The following EHBP1 variants were observed in gnomAD, a reference collection of about 807,000 sequenced individuals.
EHBP1 encodes the protein EH domain binding protein 1, also known as EH domain-binding protein 1.
Under a neutral mutation model 144.0 loss-of-function variants are expected in EHBP1, and 55 were observed. The ratio of observed to expected loss-of-function variants is 0.38; its 90% CI spans 0.31 to 0.48. The LOEUF (loss-of-function observed/expected upper bound fraction) is 0.48. EHBP1 is among the 20% of genes least tolerant of loss of function. The pLI is 0.98. For missense variants in EHBP1, 1,200 were observed against 1,364.2 expected (o/e 0.88, Z 1.90); for synonymous variants, 469 against 472.7 (o/e 0.99, Z 0.10).
intron 8 of EHBP1, among the ~76,000 whole-genome samples, chr2:62,861,465 C>T (rs745797241): frequency 4.0e-5 from 6 of 149,048 alleles, no homozygotes; most frequent in South Asian, 2.2e-4. Flanking sequence ...AAATGTCGGC[C>T]GGGCGCGGTG....
intron 19 of EHBP1, among the ~76,000 whole-genome samples, chr2:63,010,551 C>G (rs572811137): frequency 8.6e-5 from 13 of 151,454 alleles, no homozygotes; most frequent in African/African-American, 3.1e-4. Flanking sequence ...TGGAGTAAAC[C>G]TTTTGTAATT....
At chr2:63,002,150 T>G (rs1400831680) in intron 19 of EHBP1, among the ~76,000 whole-genome samples, 1 of 152,180 alleles carries the variant, frequency 6.6e-6, no homozygotes. Flanking sequence ...TACTAATCTT[T>G]AGAAGGTTCT....
chr2:62,901,871 A>T (rs1323667403), intron 10 of EHBP1, among the ~76,000 whole-genome samples: 1 of 151,860 alleles, frequency 6.6e-6, no homozygotes, highest in Non-Finnish European at 1.5e-5. Context: ...AGGCTGAGGT[A>T]GGAAGATTTC....
At chr2:62,932,429 A>T (rs1558936081) in intron 10 of EHBP1, among the ~76,000 whole-genome samples, 1 of 152,204 alleles carries the variant, frequency 6.6e-6, no homozygotes, top group Non-Finnish European at 1.5e-5. Context: ...TATGACATGG[A>T]TTAATCTTGA....
chr2:62,797,826 CCTT>C (rs1209782415), intron 5 of EHBP1, among the ~76,000 whole-genome samples: 1 of 152,182 alleles, frequency 6.6e-6, no homozygotes, highest in Non-Finnish European at 1.5e-5. Flanking sequence ...GTCTAAGTTT[CCTT>C]CTTCATCTGT....
chr2:62,861,118 G>C (rs747362185), intron 8 of EHBP1, among the ~76,000 whole-genome samples: 1 of 143,596 alleles, frequency 7.0e-6, no homozygotes, highest in Non-Finnish European at 1.5e-5. Context: ...TTATGTGCTT[G>C]AGTGGCTTTT....
intron 14 of EHBP1, among the ~76,000 whole-genome samples, chr2:62,965,856 C>T (rs1358055010): frequency 6.6e-6 from 1 of 152,100 alleles, no homozygotes; most frequent in Non-Finnish European, 1.5e-5. Context: ...AATTGATATT[C>T]TGATTTTTTG....
rs150973298 is a variant in EHBP1 at position 62,874,452 on chromosome 2, C to T, written c.1105C>T (p.Pro369Ser). ...GCGAGTGAAAAGAAAGGCCCCGGCT[C>T]CACCAGTCCTCTCACCAAAAACAGG... ...ERRVKRKAPA[P>S]PVLSPKTGVL... The change falls in exon 10 of 23, where the codon CCA (proline) becomes TCA (serine). Residue 369 changes from proline (P) to serine (S), a missense_variant. Pro to Ser is a moderately conservative substitution (Grantham distance 74). Around this residue, in one of 6 missense-constraint regions of EHBP1, gnomAD observed 266 missense variants for 262.4 expected, o/e 1.01. Transcript: ENST00000431489. The T allele has an allele frequency of 1.2e-6, 2 of 1,613,440 alleles. No individual in the cohort carries two copies. The highest frequency in any genetic ancestry group is 1.7e-6 in the Non-Finnish European group (2 of 1,179,692).
At chr2:62,941,327 G>A (rs2056745735) in intron 10 of EHBP1, among the ~76,000 whole-genome samples, 1 of 152,048 alleles carries the variant, frequency 6.6e-6, no homozygotes, top group African/African-American at 2.4e-5. Context: ...AGTAAATGTA[G>A]TATATTGGGA....
At chr2:62,923,559 C>G (rs1305561460) in intron 10 of EHBP1, among the ~76,000 whole-genome samples, 1 of 152,170 alleles carries the variant, frequency 6.6e-6, no homozygotes, top group East Asian at 1.9e-4. Flanking sequence ...CCAGGTCATC[C>G]AAGCAGCTTT....
chr2:62,877,293 A>T (rs1424654216), intron 10 of EHBP1, among the ~76,000 whole-genome samples: 1 of 152,232 alleles, frequency 6.6e-6, no homozygotes, highest in Non-Finnish European at 1.5e-5. Flanking sequence ...GTTCAATTCA[A>T]TAAGAAGGCT....
At chr2:62,796,198 T>C (rs2152471277) in intron 5 of EHBP1, among the ~76,000 whole-genome samples, 1 of 152,214 alleles carries the variant, frequency 6.6e-6, no homozygotes, top group Non-Finnish European at 1.5e-5. Flanking sequence ...TAGAGATTCC[T>C]GTACTGACTT....
chr2:62,976,233 G>A (rs567411266), intron 14 of EHBP1, among the ~76,000 whole-genome samples: 1 of 151,950 alleles, frequency 6.6e-6, no homozygotes, highest in African/African-American at 2.4e-5. Flanking sequence ...GTTCTCTACT[G>A]GGAGCTTCAA....
At chr2:63,009,973 C>T (rs1263678301) in intron 19 of EHBP1, among the ~76,000 whole-genome samples, 2 of 151,384 alleles carry the variant, frequency 1.3e-5, no homozygotes, top group Non-Finnish European at 3.0e-5. Context: ...TGTAATCTCT[C>T]CCCTCTATGT....
chr2:62,980,183 C>T (rs575345450), intron 15 of EHBP1, among the ~76,000 whole-genome samples: 28 of 152,126 alleles, frequency 1.8e-4, no homozygotes, highest in Non-Finnish European at 3.4e-4. Context: ...AGTTTTTCCA[C>T]GGACCAGGAG....
chr2:62,759,244 G>A (rs1350314420), intron 3 of EHBP1, among the ~76,000 whole-genome samples: 1 of 152,160 alleles, frequency 6.6e-6, no homozygotes, highest in Admixed American at 6.5e-5. Flanking sequence ...CTAGGATATT[G>A]GCAAATGATT....
At chr2:62,804,073 T>C (rs2044256458) in intron 5 of EHBP1, among the ~76,000 whole-genome samples, 1 of 152,244 alleles carries the variant, frequency 6.6e-6, no homozygotes, top group Admixed American at 6.5e-5. Flanking sequence ...TCTATTGTTA[T>C]TTCTTCTGGT....
At chr2:62,983,855 T>A (rs934970254) in intron 15 of EHBP1, among the ~76,000 whole-genome samples, 13 of 152,240 alleles carry the variant, frequency 8.5e-5, no homozygotes, top group Non-Finnish European at 1.9e-4. Flanking sequence ...GCCTCCTTTT[T>A]ATGTAGACAA....
chr2:62,804,081 G>C (rs535101050), intron 5 of EHBP1, among the ~76,000 whole-genome samples: 2 of 152,078 alleles, frequency 1.3e-5, no homozygotes, highest in Non-Finnish European at 2.9e-5. Flanking sequence ...TATTTCTTCT[G>C]GTTTTATGCC....
Sources: allele counts gnomAD v4.1 joint callset (sites outside exome capture counted in the v4.1 genomes callset), GRCh38; gene constraint gnomAD v4.1.1; regional missense constraint gnomAD v4.1.1; transcripts MANE v1.5; gene names NCBI Gene and HGNC (gene_info 2026-07-23, HGNC 2026-07-21).